Variants in WSCD2 observed in about 807,000 individuals in gnomAD.
The protein encoded by WSCD2 is sialate:O-sulfotransferase 2.
Under a neutral mutation model 55.7 loss-of-function variants are expected in WSCD2, and 28 were observed. The observed-to-expected ratio is 0.50, with a 90% confidence interval of 0.37 to 0.69. The LOEUF (loss-of-function observed/expected upper bound fraction) is 0.69, where lower values mean the gene tolerates loss of function less well. WSCD2 is among the 30% of genes least tolerant of loss of function. The probability of loss-of-function intolerance (pLI) is 0.00; values close to 1 mark genes in which losing one functional copy is unlikely to be tolerated. For synonymous variants in WSCD2, 301 were observed against 301.9 expected, an observed-to-expected ratio of 1.00 and a Z score of 0.03; for missense variants, 616 against 762.1, an observed-to-expected ratio of 0.81 and a Z score of 2.26.
Position 108,195,911 on chromosome 12 carries a change from C to T in WSCD2, c.79C>T (p.Leu27=). ...VRFFTFLALY[L]TAGSLVFLHS... ...CTTCTTTACCTTCCTGGCACTCTACCTGACTGCTGGGAGCCTTGTCTTCCT... is the reference window on the plus strand; with the variant it reads ...CTTCTTTACCTTCCTGGCACTCTACTTGACTGCTGGGAGCCTTGTCTTCCT... Residue 27 remains leucine (L), a synonymous_variant, in exon 2 of 9, where the codon CTG becomes TTG. Coordinates refer to ENST00000547525, the MANE Select transcript of WSCD2 (RefSeq NM_014653.4). 6.2e-7 allele frequency: 1 copy of T among 1,614,188 alleles called. No individual in the cohort carries two copies.
intron 1 of WSCD2, among the ~76,000 whole-genome samples, chr12:108,186,069 T>A (rs1882449236): frequency 6.6e-6 from 1 of 152,056 alleles, no homozygotes; most frequent in Non-Finnish European, 1.5e-5. Context: ...CACCCCTTCA[T>A]CTCTCTCCAA....
At chr12:108,187,385 G>T (rs915072084) in intron 1 of WSCD2, among the ~76,000 whole-genome samples, 1 of 152,208 alleles carries the variant, frequency 6.6e-6, no homozygotes, top group Non-Finnish European at 1.5e-5. Flanking sequence ...TAAATGTTTT[G>T]TTTAGTTGGC....
intron 4 of WSCD2, among the ~76,000 whole-genome samples, chr12:108,214,104 A>G (rs1886545785): frequency 6.6e-6 from 1 of 152,240 alleles, no homozygotes; most frequent in Admixed American, 6.5e-5. Context: ...TACATCAGGC[A>G]AGAGAAATGA....
Position 108,190,569 on chromosome 12 carries a change from G to A in WSCD2, c.-551-4713G>A, listed in dbSNP as rs534109241. ...CTCCCAGGGGAGGTAAGGAACCACA[G>A]GGCAGGCTATGCCTCTGTTTTTCTT... On this transcript the variant is annotated intron_variant, in intron 1 of 8. Transcript: ENST00000547525. Among the ~76,000 whole-genome samples the A allele has an allele frequency of 2.8e-3, 429 of 152,266 alleles. 2 individuals are homozygous for A. Among genetic ancestry groups the A allele is most frequent in the African/African-American group, 9.5e-3 (394 of 41,556 alleles).
At position 108,249,144 on chromosome 12, in the gene WSCD2, G is replaced by A. The variant is rs1021434765; in HGVS notation, c.*801G>A. ...GCACCAACAGTGAGCCCACGAGGAT[G>A]GTCACATGCCATGTGCAGAATTTGA... On this transcript the variant is annotated 3_prime_UTR_variant, in exon 9 of 9. Transcript: ENST00000547525. 1.3e-5 allele frequency: 2 copies of A among 155,628 alleles called. No homozygotes were observed. The highest frequency in any genetic ancestry group is 2.4e-5 in the African/African-American group (1 of 41,520). The allele number at this position is 155,628 out of a possible 1,614,324, so 9.6% of individuals were successfully genotyped here.
At chr12:108,170,892 G>C (rs936176461) in intron 1 of WSCD2, among the ~76,000 whole-genome samples, 2 of 152,176 alleles carry the variant, frequency 1.3e-5, no homozygotes, top group African/African-American at 4.8e-5. Flanking sequence ...AGCTGTTTTA[G>C]GCATCTCTGC....
intron 1 of WSCD2, among the ~76,000 whole-genome samples, chr12:108,144,522 C>T (rs1057365611): frequency 1.3e-5 from 2 of 152,126 alleles, no homozygotes; most frequent in Admixed American, 6.5e-5. Context: ...CTTATGTGTG[C>T]GAGAGGATTC....
At chr12:108,166,761 T>TTTCTTTCTCTTTCTTTCTTTC (rs10680980) in intron 1 of WSCD2, among the ~76,000 whole-genome samples, 1 of 124,820 alleles carries the variant, frequency 8.0e-6, no homozygotes, top group African/African-American at 3.1e-5. Context: ...TCTTTCTTTC[T>TTTCTTTCTCTTTCTTTCTTTC]TTTCTTTCTT....
intron 1 of WSCD2, among the ~76,000 whole-genome samples, chr12:108,151,721 G>A (rs933559411): frequency 2.0e-5 from 3 of 152,122 alleles, no homozygotes; most frequent in Non-Finnish European, 4.4e-5. Flanking sequence ...ACACTCACTG[G>A]GGACTCCCTT....
chr12:108,185,730 T>C (rs116649571), intron 1 of WSCD2, among the ~76,000 whole-genome samples: 3,320 of 152,218 alleles, frequency 0.022, 122 homozygotes, highest in African/African-American at 0.075. Flanking sequence ...TTCCTCCCTG[T>C]TCTCTGCCAT....
intron 7 of WSCD2, among the ~76,000 whole-genome samples, chr12:108,234,710 A>G (rs1889112012): frequency 6.6e-6 from 1 of 152,318 alleles, no homozygotes. Flanking sequence ...GTGGAATGCA[A>G]GTTCAGAAAG....
chr12:108,234,831 G>T (rs1339013904), intron 7 of WSCD2, among the ~76,000 whole-genome samples: 1 of 152,162 alleles, frequency 6.6e-6, no homozygotes, highest in Non-Finnish European at 1.5e-5. Context: ...TTAGTTCAGG[G>T]ATCAAAATTG....
intron 1 of WSCD2, among the ~76,000 whole-genome samples, chr12:108,162,324 A>C (rs1879157677): frequency 6.6e-6 from 1 of 152,108 alleles, no homozygotes; most frequent in Admixed American, 6.5e-5. Flanking sequence ...AGGAGTCACC[A>C]AGCCCCCTTC....
intron 1 of WSCD2, among the ~76,000 whole-genome samples, chr12:108,132,190 C>A (rs1312591932): frequency 6.6e-6 from 1 of 152,134 alleles, no homozygotes; most frequent in East Asian, 1.9e-4. Flanking sequence ...ATGCTGAAAC[C>A]ATCAGTGGGG....
Position 108,195,842 on chromosome 12 carries a change from C to A in WSCD2, c.10C>A (p.Leu4Ile). 6.2e-7 allele frequency: 1 copy of A among 1,610,126 alleles called. No homozygotes were observed. Among genetic ancestry groups the A allele is most frequent in the Non-Finnish European group, 8.5e-7 (1 of 1,177,724 alleles). The change falls in exon 2 of 9, where the codon CTC becomes ATC. Residue 4 changes from leucine (L) to isoleucine (I), a missense_variant. By Grantham distance (5) the Leu-to-Ile change is conservative (BLOSUM62 2). This residue lies in a region of WSCD2 where 374 missense variants were observed against 467.4 expected (regional missense o/e 0.80). Transcript: ENST00000547525. MAK[L>I]WFKFQRYFRR... is the part of the protein sequence containing the mutation. ...CCGGAATGATCCCACTATGGCCAAG[C>A]TCTGGTTCAAATTCCAGCGGTACTT...
chr12:108,223,800 T>C (rs1448213483), intron 4 of WSCD2, among the ~76,000 whole-genome samples: 5 of 152,114 alleles, frequency 3.3e-5, no homozygotes. Context: ...CTGACTGACA[T>C]TGGAAGCTAG....
At chr12:108,222,964 G>A (rs1365326757) in intron 4 of WSCD2, among the ~76,000 whole-genome samples, 1 of 152,220 alleles carries the variant, frequency 6.6e-6, no homozygotes, top group Non-Finnish European at 1.5e-5. Flanking sequence ...TTACGCAATT[G>A]CGGGAGCTGG....
chr12:108,187,686 T>C (rs1379199919), intron 1 of WSCD2, among the ~76,000 whole-genome samples: 1 of 152,246 alleles, frequency 6.6e-6, no homozygotes, highest in Admixed American at 6.5e-5. Flanking sequence ...ACATTATTAT[T>C]AGGGTGCTAT....
In WSCD2 at chr12:108,215,891, TG is replaced by T. The variant is rs200276667; in HGVS notation, c.682+5587del. Among the ~76,000 whole-genome samples the T allele has an allele frequency of 3.8e-3, 581 of 152,296 alleles. 3 individuals carry two copies. The highest frequency in any genetic ancestry group is 0.013 in the African/African-American group (550 of 41,550). On this transcript the variant is annotated intron_variant, in intron 4 of 8. Coordinates refer to ENST00000547525, the MANE Select transcript of WSCD2 (RefSeq NM_014653.4). Reference sequence around the variant, plus strand: ...TTCATCTGCCCCCAGCAAAGGGAGTTGATGAACAGTTGCTCTGCTTGCTTCT... The same window carrying T: ...TTCATCTGCCCCCAGCAAAGGGAGTTATGAACAGTTGCTCTGCTTGCTTCT...
Sources: gnomAD v4.1 joint callset for allele counts (sites outside exome capture counted in the v4.1 genomes callset) on GRCh38, gnomAD v4.1.1 for gene constraint, gnomAD v4.1.1 regional missense constraint, MANE v1.5 for transcripts, NCBI Gene and HGNC (gene_info 2026-07-23, HGNC 2026-07-21) for gene names.